Variants in TRIP4 observed in about 807,000 individuals in gnomAD.
The protein encoded by TRIP4 is activating signal cointegrator 1.
A neutral mutation model predicts 81.8 loss-of-function variants in TRIP4; 54 were observed. That is an observed-to-expected ratio of 0.66 (90% CI 0.53 to 0.83). TRIP4 has a LOEUF of 0.83. TRIP4 is among the 40% of genes least tolerant of loss of function. The pLI is 0.00. For synonymous variants in TRIP4, 270 were observed against 242.8 expected, an observed-to-expected ratio of 1.11 and a Z score of -1.04; for missense variants, 662 against 683.6, an observed-to-expected ratio of 0.97 and a Z score of 0.35.
chr15:64,454,903 C>T (rs1892851501), intron 12 of TRIP4, 94 bp from the exon 13 acceptor site: 4 of 1,104,764 alleles, frequency 3.6e-6, no homozygotes, highest in Non-Finnish European at 5.4e-6. Flanking sequence ...TTGAATGTGA[C>T]AGGAACACAG....
intron 11 of TRIP4, among the ~76,000 whole-genome samples, chr15:64,440,610 C>G (rs1396803805): frequency 6.6e-6 from 1 of 152,120 alleles, no homozygotes; most frequent in East Asian, 1.9e-4. Context: ...TTGTAAGCCC[C>G]TTGAAGTTCA....
At chr15:64,442,909 T>G (rs1566985180) in intron 11 of TRIP4, among the ~76,000 whole-genome samples, 1 of 151,218 alleles carries the variant, frequency 6.6e-6, no homozygotes, top group Non-Finnish European at 1.5e-5. Flanking sequence ...GAGAATTGCT[T>G]GAACCCAGGA....
intron 6 of TRIP4, among the ~76,000 whole-genome samples, chr15:64,407,787 A>G (rs1290091133): frequency 6.6e-6 from 1 of 152,096 alleles, no homozygotes. Flanking sequence ...CAGTTTCATT[A>G]TCTAGGTTTT....
chr15:64,433,372 T>G (rs1326812329), intron 11 of TRIP4, among the ~76,000 whole-genome samples: 1 of 152,004 alleles, frequency 6.6e-6, no homozygotes, highest in Admixed American at 6.6e-5. Context: ...TTCAAATAAC[T>G]TGTGTAATGT....
Position 64,446,002 on chromosome 15 carries a change from G to A in TRIP4, c.1678+894G>A, listed in dbSNP as rs527775467. On this transcript the variant is annotated intron_variant, in intron 12 of 12. Coordinates refer to ENST00000261884, the MANE Select transcript of TRIP4 (RefSeq NM_016213.5). ...AACTCAAGAATAAGGGCTGGGCATG[G>A]TGGCTCATGCCTATAATCCCAGCAC... is the stretch of plus-strand genomic sequence containing the variant. Among the ~76,000 whole-genome samples the A allele has an allele frequency of 5.6e-4, 85 of 152,260 alleles. 1 individual carries two copies. The highest frequency in any genetic ancestry group is 2.0e-3 in the African/African-American group (83 of 41,558).
At chr15:64,415,063 C>T (rs1437628309) in intron 8 of TRIP4, among the ~76,000 whole-genome samples, 1 of 151,504 alleles carries the variant, frequency 6.6e-6, no homozygotes, top group East Asian at 1.9e-4. Flanking sequence ...CCACTGCACT[C>T]CAGCCTGGGT....
chr15:64,439,683 C>T (rs776876589), intron 11 of TRIP4, among the ~76,000 whole-genome samples: 5 of 151,554 alleles, frequency 3.3e-5, no homozygotes, highest in South Asian at 4.2e-4. Context: ...GCCATCATGC[C>T]GGCTAATTTT....
intron 11 of TRIP4, among the ~76,000 whole-genome samples, chr15:64,437,650 G>T (rs1272644461): frequency 6.6e-6 from 1 of 151,722 alleles, no homozygotes; most frequent in African/African-American, 2.4e-5. Context: ...ACGCCACCAC[G>T]TTTAGCTAAT....
intron 5 of TRIP4, among the ~76,000 whole-genome samples, chr15:64,402,225 A>ATT (rs759068935): frequency 1.4e-5 from 2 of 142,192 alleles, no homozygotes; most frequent in Non-Finnish European, 3.1e-5. Flanking sequence ...GGTTAAGGAC[A>ATT]TTTTTTTTTT....
chr15:64,418,858 T>C, intron 9 of TRIP4, 130 bp downstream of exon 9: 1 of 826,610 alleles, frequency 1.2e-6, no homozygotes, highest in Non-Finnish European at 1.7e-6. Context: ...AATAGAACTT[T>C]GAACAACATA....
intron 3 of TRIP4, 51 bp downstream of exon 3, chr15:64,395,582 G>T (rs552965103): frequency 5.1e-6 from 8 of 1,555,970 alleles, no homozygotes; most frequent in Non-Finnish European, 7.0e-6. Context: ...AAGAGGAAGT[G>T]ACTAATACAT....
At chr15:64,387,987 C>T (rs1365420769) in intron 1 of TRIP4, 23 bp downstream of exon 1, 2 of 1,539,532 alleles carry the variant, frequency 1.3e-6, no homozygotes, top group Non-Finnish European at 8.8e-7. Context: ...CGGGTCCAAG[C>T]GGGGAAGGAG....
At chr15:64,399,634 T>TG (rs1280354777) in intron 4 of TRIP4, among the ~76,000 whole-genome samples, 1 of 152,096 alleles carries the variant, frequency 6.6e-6, no homozygotes. Context: ...CTTGAGTAGC[T>TG]GGGATTACAG....
chr15:64,441,856 T>G (rs910882858), intron 11 of TRIP4, among the ~76,000 whole-genome samples: 8 of 152,144 alleles, frequency 5.3e-5, no homozygotes, highest in Admixed American at 2.6e-4. Flanking sequence ...GGTGCTCTGA[T>G]TTTAAATAGG....
At chr15:64,429,446 C>G (rs543961683) in intron 11 of TRIP4, among the ~76,000 whole-genome samples, 1 of 152,320 alleles carries the variant, frequency 6.6e-6, no homozygotes, top group Non-Finnish European at 1.5e-5. Context: ...ATTTACCAAA[C>G]TATTCCATGG....
rs553439334 is a variant in TRIP4, at chr15:64,402,969, C to T, written c.697+2148C>T. Among the ~76,000 whole-genome samples, 21 of 151,988 alleles carry T rather than the reference C, an allele frequency of 1.4e-4. No homozygotes were observed. In the South Asian group the frequency reaches 4.4e-3, roughly 32 times the overall value. ...CCATCTCCCAGGTTCATGCCATTCT[C>T]CTGCCTCAGCCTCCTGAGTAGTTGA... On this transcript the variant is annotated intron_variant, in intron 5 of 12. Coordinates refer to ENST00000261884, the MANE Select transcript of TRIP4 (RefSeq NM_016213.5).
chr15:64,398,359 G>T (rs912612393), intron 4 of TRIP4, among the ~76,000 whole-genome samples: 1 of 149,952 alleles, frequency 6.7e-6, no homozygotes, highest in African/African-American at 2.5e-5. Flanking sequence ...AGGCTGAGGT[G>T]GGAGGATCAC....
intron 11 of TRIP4, among the ~76,000 whole-genome samples, chr15:64,430,418 GCT>G (rs1468559327): frequency 6.6e-6 from 1 of 152,252 alleles, no homozygotes; most frequent in Non-Finnish European, 1.5e-5. Context: ...GCAGATGTAA[GCT>G]CTCAAAAACA....
At chr15:64,399,973 CAA>C (rs777165797) in intron 4 of TRIP4, among the ~76,000 whole-genome samples, 7 of 87,490 alleles carry the variant, frequency 8.0e-5, no homozygotes, top group Admixed American at 1.3e-4. Context: ...ACACCCTGCT[CAA>C]AAAAAAAAAA....
Sources: gnomAD v4.1 joint callset for allele counts (sites outside exome capture counted in the v4.1 genomes callset) on GRCh38, gnomAD v4.1.1 for gene constraint, MANE v1.5 for transcripts, NCBI Gene and HGNC (gene_info 2026-07-23, HGNC 2026-07-21) for gene names.